CILK1: variants seen among roughly 807,000 people sequenced by gnomAD.
CILK1 encodes ciliogenesis associated kinase 1, also known as serine/threonine-protein kinase ICK.
In CILK1, 47 loss-of-function variants were observed where a neutral mutation model predicts 79.2. The observed-to-expected ratio is 0.59, with a 90% CI of 0.47 to 0.76. The LOEUF (loss-of-function observed/expected upper bound fraction) is 0.76, where lower values mean the gene tolerates loss of function less well. CILK1 is among the 30% of genes least tolerant of loss of function. The probability of loss-of-function intolerance (pLI) is 0.00; values close to 1 mark genes in which losing one functional copy is unlikely to be tolerated. For synonymous variants in CILK1, 266 were observed against 275.9 expected, an observed-to-expected ratio of 0.96 and a Z score of 0.36; for missense variants, 660 against 769.5, an observed-to-expected ratio of 0.86 and a Z score of 1.68.
intron 5 of CILK1, among the ~76,000 whole-genome samples, chr6:53,026,017 T>C (rs998021814): frequency 2.0e-5 from 3 of 152,208 alleles, no homozygotes; most frequent in Non-Finnish European, 2.9e-5. Flanking sequence ...AAATCATAAT[T>C]CTGTTACTCA....
chr6:53,037,832 C>T (rs191564856), intron 3 of CILK1, 107 bp downstream of exon 3: 11 of 704,392 alleles, frequency 1.6e-5, no homozygotes, highest in Middle Eastern at 3.7e-4. Context: ...CCCTTTCCAG[C>T]ATTAGTGAAA....
intron 1 of CILK1, among the ~76,000 whole-genome samples, chr6:53,042,929 A>G (rs1766810092): frequency 6.6e-6 from 1 of 152,218 alleles, no homozygotes; most frequent in African/African-American, 2.4e-5. Flanking sequence ...TATGTAAGAT[A>G]TTAATATTAG....
At chr6:53,040,327 C>T (rs1339516789) in intron 2 of CILK1, among the ~76,000 whole-genome samples, 2 of 152,248 alleles carry the variant, frequency 1.3e-5, no homozygotes, top group Non-Finnish European at 1.5e-5. Context: ...CATCTCAGTA[C>T]AAGTCTCTCA....
chr6:53,033,999 C>A (rs910275564), intron 3 of CILK1, among the ~76,000 whole-genome samples: 5 of 152,194 alleles, frequency 3.3e-5, no homozygotes, highest in Admixed American at 2.0e-4. Flanking sequence ...CTGATTACTT[C>A]TTTCGGTCGG....
intron 9 of CILK1, among the ~76,000 whole-genome samples, chr6:53,012,955 C>T (rs1037770608): frequency 1.2e-4 from 18 of 152,166 alleles, no homozygotes; most frequent in African/African-American, 4.3e-4. Flanking sequence ...TGAAAAGCAG[C>T]CAAAGAGGAG....
intron 5 of CILK1, among the ~76,000 whole-genome samples, chr6:53,027,752 C>A (rs192296022): frequency 3.3e-5 from 5 of 152,202 alleles, no homozygotes; most frequent in Admixed American, 6.5e-5. Context: ...CTCCTGTAAT[C>A]CTGGCACTTT....
At chr6:53,009,074 C>A (rs1332112002) in intron 12 of CILK1, among the ~76,000 whole-genome samples, 1 of 152,214 alleles carries the variant, frequency 6.6e-6, no homozygotes, top group Non-Finnish European at 1.5e-5. Flanking sequence ...AGGGGACAGG[C>A]TGGAACAAGG....
intron 1 of CILK1, chr6:53,060,795 A>G (rs1367462359): frequency 2.0e-5 from 3 of 152,266 alleles, no homozygotes; most frequent in Admixed American, 2.0e-4. Flanking sequence ...GGTGCCATTC[A>G]CTATTGAAGC....
intron 1 of CILK1, among the ~76,000 whole-genome samples, chr6:53,052,471 A>G (rs1767548235): frequency 6.6e-6 from 1 of 152,100 alleles, no homozygotes; most frequent in Non-Finnish European, 1.5e-5. Flanking sequence ...AGTGGCTCAC[A>G]CCTGTAATCC....
At chr6:53,061,292 T>A (rs2127481326) in intron 1 of CILK1, among the ~76,000 whole-genome samples, 1 of 152,274 alleles carries the variant, frequency 6.6e-6, no homozygotes, top group African/African-American at 2.4e-5. Flanking sequence ...AAGGGCCTAG[T>A]CAGGGAAATT....
chr6:53,043,392 A>G (rs1766841981), intron 1 of CILK1, among the ~76,000 whole-genome samples: 1 of 152,060 alleles, frequency 6.6e-6, no homozygotes, highest in African/African-American at 2.4e-5. Flanking sequence ...GCCGTGTGTG[A>G]GCTTGAAAAA....
intron 7 of CILK1, among the ~76,000 whole-genome samples, chr6:53,016,914 G>C (rs1471184224): frequency 6.6e-6 from 1 of 152,224 alleles, no homozygotes; most frequent in Non-Finnish European, 1.5e-5. Context: ...TTAAAGCCAA[G>C]TGGCAATACA....
intron 1 of CILK1, among the ~76,000 whole-genome samples, chr6:53,057,451 T>C (rs568974082): frequency 6.6e-6 from 1 of 152,252 alleles, no homozygotes; most frequent in South Asian, 2.1e-4. Context: ...AAAAGTGAGT[T>C]AGGATGACAA....
At chr6:53,047,312 T>C (rs775849714) in intron 1 of CILK1, among the ~76,000 whole-genome samples, 4 of 152,064 alleles carry the variant, frequency 2.6e-5, no homozygotes, top group Non-Finnish European at 5.9e-5. Flanking sequence ...TTTGCTTTTG[T>C]TATTTTTTTG....
chr6:53,012,180 C>T lies in CILK1; in HGVS notation c.1200G>A (p.Lys400=). The T allele has an allele frequency of 6.2e-7, 1 of 1,614,166 alleles. No individual in the cohort carries two copies. The highest frequency in any genetic ancestry group is 8.5e-7 in the Non-Finnish European group (1 of 1,180,020). The change falls in exon 10 of 14, where the codon AAG becomes AAA. Residue 400 remains lysine (K), a synonymous_variant. Coordinates refer to ENST00000676107, the MANE Select transcript of CILK1 (RefSeq NM_014920.5). ...AAATAAGACCCCACCTTCTCCTACT[C>T]TTTGGCTTTATCTCACCATTTTTGT... ...LEHKNGEIKP[K]SRRRWGLISR...
chr6:53,058,174 T>G (rs1405085776), intron 1 of CILK1, among the ~76,000 whole-genome samples: 1 of 152,172 alleles, frequency 6.6e-6, no homozygotes, highest in Non-Finnish European at 1.5e-5. Flanking sequence ...TTGGGTTGAG[T>G]GTTTCCCTAA....
At chr6:53,020,396 T>C (rs1765159434) in intron 5 of CILK1, among the ~76,000 whole-genome samples, 1 of 152,190 alleles carries the variant, frequency 6.6e-6, no homozygotes, top group South Asian at 2.1e-4. Flanking sequence ...ATACTGGAAA[T>C]ACAACTCAGC....
intron 8 of CILK1, among the ~76,000 whole-genome samples, chr6:53,015,074 T>C (rs1764814160): frequency 6.6e-6 from 1 of 152,234 alleles, no homozygotes; most frequent in South Asian, 2.1e-4. Context: ...ATTGCTTTTC[T>C]ACACTCCTTA....
At position 53,024,925 on chromosome 6, in the gene CILK1, C is replaced by T. The variant is rs147164755; in HGVS notation, c.359-5566G>A. 2.6e-3 allele frequency among the ~76,000 whole-genome samples: 393 copies of T among 151,720 alleles called. 2 individuals carry two copies. The highest frequency in any genetic ancestry group is 0.01 in the Middle Eastern group (3 of 294). ...TTAGCTCAATGCAACCTCCACCTCC[C>T]GGGTTCAAGCAATTCTCATGCCTCA... On this transcript the variant is annotated intron_variant, in intron 5 of 13. Transcript: ENST00000676107.
Sources: gnomAD v4.1 joint callset for allele counts (sites outside exome capture counted in the v4.1 genomes callset) on GRCh38, gnomAD v4.1.1 for gene constraint, MANE v1.5 for transcripts, NCBI Gene and HGNC (gene_info 2026-07-23, HGNC 2026-07-21) for gene names.